PFKM: variants seen among roughly 807,000 people sequenced by gnomAD.
PFKM encodes the protein ATP-dependent 6-phosphofructokinase, muscle type.
Under a neutral mutation model 95.5 loss-of-function variants are expected in PFKM, and 58 were observed. The ratio of observed to expected loss-of-function variants is 0.61; its 90% CI spans 0.49 to 0.76. PFKM has a LOEUF of 0.76. Ranked by LOEUF, PFKM falls within the 30% of genes least tolerant of loss-of-function variation. The pLI is 0.00. For missense variants in PFKM, 678 were observed against 1,005.4 expected, an observed-to-expected ratio of 0.67 and a Z score of 4.40; for synonymous variants, 336 against 357.2, an observed-to-expected ratio of 0.94 and a Z score of 0.67.
chr12:48,135,169 CT>C, intron 9 of PFKM, 121 bp from the exon 10 acceptor site: 1 of 1,122,240 alleles, frequency 8.9e-7, no homozygotes, highest in Non-Finnish European at 1.4e-6. Context: ...CCCTGATTGC[CT>C]CCCACAAAGA....
Position 48,134,750 on chromosome 12 carries a change from G to C in PFKM, c.668G>C (p.Cys223Ser), listed in dbSNP as rs764229869. Residue 223 changes from cysteine to serine, a missense_variant, in exon 8 of 23, where the codon TGT becomes TCT. Cys to Ser is a moderately radical substitution (Grantham distance 112). Coordinates refer to ENST00000359794, the MANE Select transcript of PFKM (RefSeq NM_000289.6). Reference sequence around the variant, plus strand: ...CTGGCCCTTGTCACCTCTCTGTCCTGTGGGGCCGACTGGGTTTTTATTCCT... The same window carrying C: ...CTGGCCCTTGTCACCTCTCTGTCCTCTGGGGCCGACTGGGTTTTTATTCCT... Reference protein sequence around the residue: ...GYLALVTSLSCGADWVFIPEC... With the variant: ...GYLALVTSLSSGADWVFIPEC... The C allele has an allele frequency of 6.2e-7, 1 of 1,613,976 alleles. No individual in the cohort carries two copies. Among genetic ancestry groups the C allele is most frequent in the East Asian group, 2.2e-5 (1 of 44,900 alleles).
chr12:48,138,953 T>C (rs1950341156), intron 11 of PFKM, among the ~76,000 whole-genome samples: 1 of 152,072 alleles, frequency 6.6e-6, no homozygotes, highest in African/African-American at 2.4e-5. Flanking sequence ...GGCAGAAGAA[T>C]TGCTTGAACC....
At chr12:48,116,377 T>G (rs1468222066), upstream of PFKM, among the ~76,000 whole-genome samples, 1 of 152,156 alleles carries the variant, frequency 6.6e-6, no homozygotes, top group African/African-American at 2.4e-5. Context: ...TAGTTTTGAT[T>G]TGCATTGCCC....
chr12:48,135,818 C>T (rs1950025675), intron 10 of PFKM, among the ~76,000 whole-genome samples: 1 of 152,068 alleles, frequency 6.6e-6, no homozygotes, highest in African/African-American at 2.4e-5. Context: ...ATTTCTGTTA[C>T]CACAGGATAT....
Position 48,107,934 on chromosome 12 carries a change from C to T in PFKM, c.83-138C>T, listed in dbSNP as rs552170093. 61 of 718,500 alleles carry T rather than the reference C, an allele frequency of 8.5e-5. No individual in the cohort carries two copies. In the South Asian group the frequency reaches 1.1e-3, roughly 13 times the overall value. 44.5% of individuals were successfully genotyped at this position (718,500 alleles called of 1,614,324 possible). A position where few individuals can be genotyped will look rare whatever the true frequency, so the allele number is the denominator to read the frequency against. On this transcript the variant is annotated intron_variant, in intron 2 of 24. Transcript: ENST00000340802. ...GGAATAGAATCTTTTTGAGGTACAT[C>T]GCGTCTCTAATTTTTCACTGGATTT...
upstream of PFKM, among the ~76,000 whole-genome samples, chr12:48,118,002 T>C (rs1278548030): frequency 1.3e-5 from 2 of 152,202 alleles, no homozygotes; most frequent in Admixed American, 6.5e-5. Context: ...AAAGACTTAA[T>C]AGAAAAGCAA....
At chr12:48,133,133 C>G in intron 5 of PFKM, 76 bp downstream of exon 5, 1 of 1,454,306 alleles carries the variant, frequency 6.9e-7, no homozygotes, top group Non-Finnish European at 9.7e-7. Context: ...ATCGCCCCCG[C>G]CCTGCTTTTA....
At chr12:48,115,389 T>G (rs1161088995), upstream of PFKM, among the ~76,000 whole-genome samples, 2 of 152,132 alleles carry the variant, frequency 1.3e-5, no homozygotes, top group Non-Finnish European at 2.9e-5. Context: ...TCTTATAGGT[T>G]TTAGGATAGG....
rs1949453797 is a variant in PFKM at position 48,131,300 on chromosome 12, A to G, written c.160-16A>G. The G allele has an allele frequency of 2.5e-6, 4 of 1,573,086 alleles. No individual in the cohort carries two copies. The highest frequency in any genetic ancestry group is 3.5e-6 in the Non-Finnish European group (4 of 1,142,686). On this transcript the variant is annotated splice_polypyrimidine_tract_variant and intron_variant, in intron 3 of 22. Coordinates refer to ENST00000359794, the MANE Select transcript of PFKM (RefSeq NM_000289.6). The stretch of plus-strand genomic sequence containing the variant: ...GAGAAGCCTAACGGGCTGAACAGGT[A>G]TAATGTGTCACACAGGGTTATCAAG...
chr12:48,140,361 T>C (rs1340075389), intron 13 of PFKM, among the ~76,000 whole-genome samples: 1 of 152,182 alleles, frequency 6.6e-6, no homozygotes, highest in East Asian at 1.9e-4. Context: ...CATATCTGGG[T>C]AGAGGCCAGG....
At chr12:48,132,217 T>C in intron 4 of PFKM, 1 of 371,130 alleles carries the variant, frequency 2.7e-6, no homozygotes. Flanking sequence ...CTCAGGTAAG[T>C]ATACTTTCTC....
chr12:48,118,985 T>C (rs1377131138), upstream of PFKM, among the ~76,000 whole-genome samples: 1 of 152,084 alleles, frequency 6.6e-6, no homozygotes, highest in African/African-American at 2.4e-5. Flanking sequence ...CAGGGGCAGG[T>C]TTTATTAGCA....
intron 10 of PFKM, among the ~76,000 whole-genome samples, chr12:48,135,966 G>A (rs887068239): frequency 3.3e-5 from 5 of 151,940 alleles, no homozygotes; most frequent in African/African-American, 1.2e-4. Flanking sequence ...TTGGCTCACT[G>A]CACGCTCTGC....
In PFKM at chr12:48,134,951, C is replaced by G. The variant is rs1430528960; in HGVS notation, c.756C>G (p.Thr252=). The G allele has an allele frequency of 6.2e-7, 1 of 1,613,922 alleles. No individual in the cohort carries two copies. The highest frequency in any genetic ancestry group is 8.5e-7 in the Non-Finnish European group (1 of 1,179,822). ...HLCRRLSETR[T]RGSRLNIIIV... ...CCTTTGTTCTCAACCAGACAAGGAC[C>G]CGTGGTTCTCGTCTCAACATCATCA... The change falls in exon 9 of 23, where the codon ACC becomes ACG. Residue 252 remains threonine (T), a synonymous_variant. Coordinates refer to ENST00000359794, the MANE Select transcript of PFKM (RefSeq NM_000289.6).
At chr12:48,106,164 A>T (rs1482124945) in intron 1 of PFKM, 1 of 701,184 alleles carries the variant, frequency 1.4e-6, no homozygotes, top group South Asian at 1.5e-5. Flanking sequence ...GGGCTGGGGC[A>T]GGAGGTCAAA....
At chr12:48,122,945 T>A in intron 2 of PFKM, 86 bp downstream of exon 2, 1 of 1,346,824 alleles carries the variant, frequency 7.4e-7, no homozygotes, top group Non-Finnish European at 1.1e-6. Flanking sequence ...ATTATTCTTC[T>A]GTAGGTTCAC....
chr12:48,135,468 A>G, intron 10 of PFKM, 85 bp downstream of exon 10: 1 of 944,856 alleles, frequency 1.1e-6, no homozygotes, highest in East Asian at 2.5e-5. Flanking sequence ...TTCACCAGAC[A>G]GGGACTTACA....
rs1350133920 is a variant in PFKM at position 48,134,282 on chromosome 12, A to G, written c.638+6A>G. On this transcript the variant is annotated splice_donor_region_variant and intron_variant, in intron 7 of 22. Transcript: ENST00000359794. ...GTAATGGGCCGCCACTGTGGGTAAGATCCTCATTCTGACCCATTTATTCCG... is the reference window on the plus strand; with the variant it reads ...GTAATGGGCCGCCACTGTGGGTAAGGTCCTCATTCTGACCCATTTATTCCG... 24 of 1,612,568 alleles carry G rather than the reference A, an allele frequency of 1.5e-5. No homozygotes were observed. Among genetic ancestry groups the G allele is most frequent in the Non-Finnish European group, 2.0e-5 (24 of 1,178,598 alleles).
intron 10 of PFKM, chr12:48,137,273 G>A: frequency 4.2e-6 from 1 of 239,580 alleles, no homozygotes; most frequent in Non-Finnish European, 8.2e-6. Flanking sequence ...ATGCTAGCCA[G>A]GCTGGTCTTG....
Sources: gnomAD v4.1 joint callset for allele counts (sites outside exome capture counted in the v4.1 genomes callset) on GRCh38, gnomAD v4.1.1 for gene constraint, MANE v1.5 for transcripts, NCBI Gene and HGNC (gene_info 2026-07-23, HGNC 2026-07-21) for gene names.